CCT5: variants seen among roughly 807,000 people sequenced by gnomAD.
The protein encoded by CCT5 is T-complex protein 1 subunit epsilon.
Under a neutral mutation model 55.0 loss-of-function variants are expected in CCT5, and 6 were observed. The ratio of observed to expected loss-of-function variants is 0.11; its 90% confidence interval spans 0.06 to 0.22. The LOEUF is 0.22. CCT5 is among the 10% of genes least tolerant of loss of function. CCT5 has a pLI of 1.00. For missense variants in CCT5, 560 were observed against 694.6 expected (o/e 0.81, Z 2.18); for synonymous variants, 231 against 243.7 (o/e 0.95, Z 0.49).
Position 10,262,551 on chromosome 5 carries a change from GTGTGGTGTATGGA to G in CCT5, c.1251_1263del (p.Val418GlufsTer22). The G allele has an allele frequency of 6.2e-7, 1 of 1,614,240 alleles. No homozygotes were observed. The highest frequency in any genetic ancestry group is 8.5e-7 in the Non-Finnish European group (1 of 1,180,032). ...ATCCGGAACCTCATCCGCGATAATC[GTGTGGTGTATGGA>G]GGAGGGGCTGCTGAGATATCCTGTG... On this transcript the variant is annotated frameshift_variant, in exon 9 of 11. Transcript: ENST00000280326. LOFTEE classifies it high-confidence loss of function.
chr5:10,255,009 C>T, intron 3 of CCT5, 171 bp downstream of exon 3: 3 of 641,892 alleles, frequency 4.7e-6, no homozygotes, highest in Non-Finnish European at 8.4e-6. Context: ...GACAGTGTTA[C>T]AAAAGAACAG....
chr5:10,251,311 A>G lies in CCT5; in HGVS notation c.105+866A>G, dbSNP rs189812937. 2.1e-3 allele frequency among the ~76,000 whole-genome samples: 313 copies of G among 152,330 alleles called. 2 individuals are homozygous for G. Among genetic ancestry groups the G allele is most frequent in the Admixed American group, 3.5e-3 (54 of 15,310 alleles). ...TTGAGCAGAATTTCAGTAGAGCTGC[A>G]CTTCAGGCAGCAAAGCTTGAGATAG... On this transcript the variant is annotated intron_variant, in intron 1 of 10. Coordinates refer to ENST00000280326, the MANE Select transcript of CCT5 (RefSeq NM_012073.5).
chr5:10,250,834 G>A, intron 1 of CCT5: 6 of 1,076,028 alleles, frequency 5.6e-6, no homozygotes, highest in Non-Finnish European at 6.8e-6. Flanking sequence ...AGGCGCTGCT[G>A]CTTAACCTTT....
chr5:10,253,013 G>T (rs1239085111), intron 1 of CCT5, among the ~76,000 whole-genome samples: 3 of 152,030 alleles, frequency 2.0e-5, no homozygotes, highest in Admixed American at 2.0e-4. Context: ...CACTTTGACA[G>T]CTACTTACCT....
chr5:10,251,381 C>T (rs946227509), intron 1 of CCT5, among the ~76,000 whole-genome samples: 2 of 152,092 alleles, frequency 1.3e-5, no homozygotes, highest in Non-Finnish European at 2.9e-5. Flanking sequence ...GAAACCAGGG[C>T]AGGGGTGCAG....
chr5:10,250,762 G>A (rs1409369602), intron 1 of CCT5: 4 of 1,222,472 alleles, frequency 3.3e-6, no homozygotes, highest in Admixed American at 4.2e-5. Context: ...CAGCCTGACG[G>A]CCGCGTGGGA....
At chr5:10,260,301 C>T (rs1227597998) in intron 6 of CCT5, among the ~76,000 whole-genome samples, 1 of 152,200 alleles carries the variant, frequency 6.6e-6, no homozygotes, top group Non-Finnish European at 1.5e-5. Context: ...TTACTGGAAG[C>T]AGGGTTGCCT....
chr5:10,263,194 A>C lies in CCT5; in HGVS notation c.1378A>C (p.Met460Leu). 1 of 1,614,184 alleles carries C rather than the reference A, an allele frequency of 6.2e-7. No homozygotes were observed. The highest frequency in any genetic ancestry group is 8.5e-7 in the Non-Finnish European group (1 of 1,180,008). The change falls in exon 10 of 11, where the codon ATG becomes CTG. Residue 460 changes from methionine to leucine, a missense_variant. Transcript: ENST00000280326. The part of the protein sequence containing the change: ...AFADALEVIP[M>L]ALSENSGMNP... Reference sequence around the variant, plus strand: ...TGCCGACGCACTGGAGGTCATCCCCATGGCCCTCTCTGAAAACAGTGGCAT... The same window carrying C: ...TGCCGACGCACTGGAGGTCATCCCCCTGGCCCTCTCTGAAAACAGTGGCAT...
Position 10,258,251 on chromosome 5 carries a change from TGATTAAGGGCG to T in CCT5, c.672_682del (p.Ile225AspfsTer28). 1 of 1,614,240 alleles carries T rather than the reference TGATTAAGGGCG, an allele frequency of 6.2e-7. No homozygotes were observed. Among genetic ancestry groups the T allele is most frequent in the Non-Finnish European group, 8.5e-7 (1 of 1,180,052 alleles). On this transcript the variant is annotated frameshift_variant, in exon 5 of 11. Coordinates refer to ENST00000280326, the MANE Select transcript of CCT5 (RefSeq NM_012073.5). LOFTEE classifies it high-confidence loss of function. ...GGCGGCAGGCTGGAGGACACTAAAC[TGATTAAGGGCG>T]TGATTGTGGACAAGGATTTCAGTCA...
rs951136684 is a variant in CCT5 at position 10,265,625 on chromosome 5, C to T, written c.*842C>T. 6.6e-6 allele frequency: 1 copy of T among 152,074 alleles called. No individual in the cohort carries two copies. Among genetic ancestry groups the T allele is most frequent in the Non-Finnish European group, 1.5e-5 (1 of 68,026 alleles). The allele number at this position is 152,074 out of a possible 1,614,324, so 9.4% of individuals were successfully genotyped here. ...GAGAACTCTACCGGGATTGTCTGTT[C>T]TGACAACCCAGTGAGGCAGATACAC... On this transcript the variant is annotated 3_prime_UTR_variant, in exon 11 of 11. Transcript: ENST00000280326.
Position 10,262,528 on chromosome 5 carries a change from C to T in CCT5, c.1227C>T (p.Ile409=), listed in dbSNP as rs1746014820. Residue 409 remains isoleucine (I), a synonymous_variant, in exon 9 of 11, where the codon ATC becomes ATT. Transcript: ENST00000280326. ...CCCTTCACGATGCTTTGTGTGTCATCCGGAACCTCATCCGCGATAATCGTG... is the reference window on the plus strand; with the variant it reads ...CCCTTCACGATGCTTTGTGTGTCATTCGGAACCTCATCCGCGATAATCGTG... ...KRSLHDALCV[I]RNLIRDNRVV... 1.2e-6 allele frequency: 2 copies of T among 1,614,088 alleles called. No homozygotes were observed. Among genetic ancestry groups the T allele is most frequent in the African/African-American group, 1.3e-5 (1 of 74,926 alleles).
Position 10,254,725 on chromosome 5 carries a change from A to G in CCT5, c.218A>G (p.Asp73Gly). The G allele has an allele frequency of 6.2e-7, 1 of 1,613,540 alleles. No homozygotes were observed. Among genetic ancestry groups the G allele is most frequent in the Non-Finnish European group, 8.5e-7 (1 of 1,179,496 alleles). Residue 73 changes from aspartate to glycine, a missense_variant, in exon 3 of 11, where the codon GAT becomes GGT. Physicochemically the swap from Asp to Gly is moderately conservative, Grantham distance 94. Transcript: ENST00000280326. ...GATGGAGATGTGACTGTAACTAATG[A>G]TGGGGCCACCATCTTAAGCATGATG... ...DKDGDVTVTN[D>G]GATILSMMDV...
At chr5:10,257,307 G>A (rs1001158206) in intron 4 of CCT5, among the ~76,000 whole-genome samples, 1 of 152,190 alleles carries the variant, frequency 6.6e-6, no homozygotes, top group Non-Finnish European at 1.5e-5. Flanking sequence ...TACCCTAGGG[G>A]TAGCCTCTTG....
At chr5:10,251,849 C>T (rs1490765916) in intron 1 of CCT5, among the ~76,000 whole-genome samples, 1 of 152,198 alleles carries the variant, frequency 6.6e-6, no homozygotes, top group Non-Finnish European at 1.5e-5. Flanking sequence ...ATACACACAC[C>T]TGGTGTAACA....
At chr5:10,255,384 T>C (rs1441161054) in intron 3 of CCT5, among the ~76,000 whole-genome samples, 2 of 152,192 alleles carry the variant, frequency 1.3e-5, no homozygotes, top group African/African-American at 4.8e-5. Context: ...AGATTTGAAA[T>C]CTTTAAAAAG....
chr5:10,252,509 G>C (rs1309887230), intron 1 of CCT5, among the ~76,000 whole-genome samples: 1 of 152,030 alleles, frequency 6.6e-6, no homozygotes, highest in East Asian at 1.9e-4. Context: ...CAGAACTTTG[G>C]GAGGCTGAGG....
Position 10,258,291 on chromosome 5 carries a change from A to G in CCT5, c.711A>G (p.Pro237=), listed in dbSNP as rs1345459910. 1 of 1,614,248 alleles carries G rather than the reference A, an allele frequency of 6.2e-7. No individual in the cohort carries two copies. Among genetic ancestry groups the G allele is most frequent in the East Asian group, 2.2e-5 (1 of 44,894 alleles). ...TTGTGGACAAGGATTTCAGTCACCCACAGATGCCAAAAGTGAGCCATTGCA... is the reference window on the plus strand; with the variant it reads ...TTGTGGACAAGGATTTCAGTCACCCGCAGATGCCAAAAGTGAGCCATTGCA... ...GVIVDKDFSH[P]QMPKKVEDAK... The change falls in exon 5 of 11, where the codon CCA becomes CCG. Residue 237 remains proline (P), a synonymous_variant. Coordinates refer to ENST00000280326, the MANE Select transcript of CCT5 (RefSeq NM_012073.5).
In CCT5 at chr5:10,250,331, T is replaced by C. The variant is rs2578618; in HGVS notation, c.-10T>C. ...GCCGGTTGGGGGGAAGTAATTCCGG[T>C]TGTTGCACCATGGCGTCCATGGGGA... is the stretch of plus-strand genomic sequence containing the variant. On this transcript the variant is annotated 5_prime_UTR_variant, in exon 1 of 11. Transcript: ENST00000280326. The C allele has an allele frequency of 0.82, 1,330,815 of 1,613,744 alleles. 556,134 individuals carry two copies. The highest frequency in any genetic ancestry group is 0.89 in the East Asian group (39,795 of 44,862).
rs1746160126 is a variant in CCT5, at chr5:10,265,149, T to C, written c.*366T>C. ...CTATTTTAACAGCTTAAACAGGAGC[T>C]CTCAAGATGCACTTTCATATTGAGA... On this transcript the variant is annotated 3_prime_UTR_variant, in exon 11 of 11. Transcript: ENST00000280326. The C allele has an allele frequency of 8.3e-6, 2 of 241,476 alleles. No homozygotes were observed. 15.0% of individuals were successfully genotyped at this position (241,476 alleles called of 1,614,324 possible).
Sources: allele counts gnomAD v4.1 joint callset (sites outside exome capture counted in the v4.1 genomes callset), GRCh38; gene constraint gnomAD v4.1.1; transcripts MANE v1.5; gene names NCBI Gene and HGNC (gene_info 2026-07-23, HGNC 2026-07-21).